The following DCLK2 variants were observed in gnomAD, a reference collection of about 807,000 sequenced individuals.
The protein encoded by DCLK2 is doublecortin like kinase 2.
DCLK2 carries 31 observed loss-of-function variants against 78.4 expected under a neutral mutation model. That is an observed-to-expected ratio of 0.40 (90% confidence interval 0.30 to 0.53). DCLK2 has a LOEUF of 0.53. Among genes scored for constraint, DCLK2 ranks in the 20% least tolerant of loss-of-function variants. The pLI, the probability that DCLK2 is intolerant of heterozygous loss-of-function variation, is 0.61. For synonymous variants in DCLK2, 407 were observed against 374.9 expected, an observed-to-expected ratio of 1.09 and a Z score of -0.99; for missense variants, 872 against 973.7, an observed-to-expected ratio of 0.90 and a Z score of 1.39.
chr4:150,078,847 A>G lies in DCLK2; in HGVS notation c.-181A>G. On this transcript the variant is annotated 5_prime_UTR_variant, in exon 1 of 16. Coordinates refer to ENST00000296550, the MANE Select transcript of DCLK2 (RefSeq NM_001040260.4). ...TCGGCGCTGCGGACACTTTTAGCTG[A>G]GGGCGCGGGCGGGTCGGCTCCTCCG... 1.4e-6 allele frequency: 1 copy of G among 710,760 alleles called. No homozygotes were observed. Among genetic ancestry groups the G allele is most frequent in the Non-Finnish European group, 2.1e-6 (1 of 470,850 alleles). 44.0% of individuals were successfully genotyped at this position (710,760 alleles called of 1,614,324 possible). A position where few individuals can be genotyped will look rare whatever the true frequency, so the allele number is the denominator to read the frequency against.
intron 5 of DCLK2, among the ~76,000 whole-genome samples, chr4:150,215,137 T>C (rs1740593035): frequency 6.6e-6 from 1 of 152,020 alleles, no homozygotes; most frequent in Non-Finnish European, 1.5e-5. Flanking sequence ...TTAAGGAAAA[T>C]CTTTCTCAAA....
In DCLK2 at chr4:150,232,372, C is replaced by A; in HGVS notation, c.1335C>A (p.Arg445=). 1 of 1,614,084 alleles carries A rather than the reference C, an allele frequency of 6.2e-7. No homozygotes were observed. Among genetic ancestry groups the A allele is most frequent in the Non-Finnish European group, 8.5e-7 (1 of 1,179,972 alleles). Residue 445 remains arginine (R), a synonymous_variant, in exon 9 of 16, where the codon CGC becomes CGA. Coordinates refer to ENST00000296550, the MANE Select transcript of DCLK2 (RefSeq NM_001040260.4). ...HLIENEVSIL[R]RVKHPNIIML... is the part of the protein sequence containing the mutation. ...TTGAGAATGAAGTGTCAATACTGCG[C>A]CGAGTGAAACATCCCAATATCATTA...
chr4:150,193,391 TAAAG>T (rs943106474), intron 3 of DCLK2, 151 bp downstream of exon 3: 2 of 469,870 alleles, frequency 4.3e-6, no homozygotes, highest in African/African-American at 2.0e-5. Flanking sequence ...CCAATGAAAA[TAAAG>T]AATAACATGA....
chr4:150,158,735 G>A (rs1735498320), intron 2 of DCLK2, among the ~76,000 whole-genome samples: 1 of 152,154 alleles, frequency 6.6e-6, no homozygotes, highest in East Asian at 1.9e-4. Context: ...TCTGCTGAAA[G>A]TAGTTAGAAA....
At chr4:150,124,534 G>A (rs1395977163) in intron 2 of DCLK2, among the ~76,000 whole-genome samples, 3 of 152,132 alleles carry the variant, frequency 2.0e-5, no homozygotes. Context: ...TTACATGGTT[G>A]CATTTTTGAA....
chr4:150,145,088 G>A (rs1255646000), intron 2 of DCLK2, among the ~76,000 whole-genome samples: 4 of 152,012 alleles, frequency 2.6e-5, no homozygotes, highest in Non-Finnish European at 5.9e-5. Flanking sequence ...TCCTCTCTTT[G>A]GTTAAATGTA....
chr4:150,112,171 G>A (rs80055649), intron 2 of DCLK2, among the ~76,000 whole-genome samples: 223 of 152,070 alleles, frequency 1.5e-3, no homozygotes, highest in Non-Finnish European at 2.4e-3. Context: ...TCTAGAGATC[G>A]CTCATCTCCT....
intron 1 of DCLK2, among the ~76,000 whole-genome samples, chr4:150,086,137 T>G (rs2150132658): frequency 6.6e-6 from 1 of 152,326 alleles, no homozygotes; most frequent in Middle Eastern, 3.4e-3. Context: ...CACAATTGTC[T>G]TGTTTATCCT....
chr4:150,237,878 T>A (rs549001214), intron 10 of DCLK2, among the ~76,000 whole-genome samples: 1 of 152,328 alleles, frequency 6.6e-6, no homozygotes, highest in South Asian at 2.1e-4. Flanking sequence ...AGACTAGGTC[T>A]CTGCAGCAGT....
intron 2 of DCLK2, among the ~76,000 whole-genome samples, chr4:150,155,673 G>A (rs1222390289): frequency 6.6e-6 from 1 of 152,066 alleles, no homozygotes; most frequent in Admixed American, 6.6e-5. Flanking sequence ...AGTAATCATG[G>A]GTAAAACTCT....
Position 150,256,228 on chromosome 4 carries a change from GGC to G in DCLK2, c.2285_2286del (p.Arg762ProfsTer130). On this transcript the variant is annotated frameshift_variant, in exon 16 of 16. Transcript: ENST00000296550. LOFTEE classifies it high-confidence loss of function. ...CCGGGTGGTGAGCGGGCAGGAACCT[GGC>G]GCCGCCACCGAGACTGAGCCTCCTG... The G allele has an allele frequency of 6.6e-7, 1 of 1,521,300 alleles. No individual in the cohort carries two copies. The highest frequency in any genetic ancestry group is 8.8e-7 in the Non-Finnish European group (1 of 1,135,684). The allele number at this position is 1,521,300 out of a possible 1,614,324, so 94.2% of individuals were successfully genotyped here.
intron 1 of DCLK2, among the ~76,000 whole-genome samples, chr4:150,080,826 C>T (rs1729206838): frequency 6.6e-6 from 1 of 152,226 alleles, no homozygotes; most frequent in Non-Finnish European, 1.5e-5. Flanking sequence ...GAACGCGACC[C>T]AGCCAAAATT....
intron 2 of DCLK2, among the ~76,000 whole-genome samples, chr4:150,117,831 T>C (rs1483474489): frequency 1.3e-5 from 2 of 152,200 alleles, no homozygotes; most frequent in African/African-American, 4.8e-5. Flanking sequence ...GTTAAGTTCC[T>C]CTGTTGCTTC....
intron 2 of DCLK2, among the ~76,000 whole-genome samples, chr4:150,137,057 C>A (rs536173495): frequency 7.2e-6 from 1 of 139,476 alleles, no homozygotes; most frequent in Non-Finnish European, 1.5e-5. Flanking sequence ...TCATAGCTCA[C>A]TGCAGCCTTG....
chr4:150,240,221 G>C lies in DCLK2; in HGVS notation c.1701-178G>C, dbSNP rs79573288. Among the ~76,000 whole-genome samples the C allele has an allele frequency of 3.9e-5, 6 of 152,326 alleles. No homozygotes were observed. The East Asian group carries it at 1.2e-3, about 29-fold the overall frequency. ...CAGTAGTCACCAAGACTGTGGTTAG[G>C]TTGGCAGAAACAGATGCCTTTTTCT... On this transcript the variant is annotated intron_variant, in intron 11 of 15. Coordinates refer to ENST00000296550, the MANE Select transcript of DCLK2 (RefSeq NM_001040260.4).
At chr4:150,088,225 T>G (rs1729779793) in intron 1 of DCLK2, among the ~76,000 whole-genome samples, 1 of 152,212 alleles carries the variant, frequency 6.6e-6, no homozygotes, top group Non-Finnish European at 1.5e-5. Context: ...TGTTGTTCAT[T>G]AAGCCTGTGT....
At chr4:150,195,474 T>C (rs1243409940) in intron 3 of DCLK2, among the ~76,000 whole-genome samples, 1 of 96,762 alleles carries the variant, frequency 1.0e-5, no homozygotes, top group African/African-American at 3.9e-5. Flanking sequence ...ATATTATATA[T>C]ATTATTATAT....
intron 5 of DCLK2, among the ~76,000 whole-genome samples, chr4:150,212,379 G>A (rs968772462): frequency 2.0e-5 from 3 of 152,124 alleles, no homozygotes; most frequent in Admixed American, 6.5e-5. Flanking sequence ...ACTTCTTTTC[G>A]AAGCTGTGAA....
At chr4:150,097,915 A>T (rs189023479) in intron 1 of DCLK2, among the ~76,000 whole-genome samples, 1 of 152,316 alleles carries the variant, frequency 6.6e-6, no homozygotes, top group East Asian at 1.9e-4. Flanking sequence ...ATGAATATGG[A>T]TATATGTATC....
Sources: allele counts gnomAD v4.1 joint callset (sites outside exome capture counted in the v4.1 genomes callset), GRCh38; gene constraint gnomAD v4.1.1; transcripts MANE v1.5; gene names NCBI Gene and HGNC (gene_info 2026-07-23, HGNC 2026-07-21).